The following MRPL16 variants were observed in gnomAD, a reference collection of about 807,000 sequenced individuals.
MRPL16 encodes large ribosomal subunit protein uL16m.
A neutral mutation model predicts 22.7 loss-of-function variants in MRPL16; 17 were observed. The ratio of observed to expected loss-of-function variants is 0.75; its 90% confidence interval spans 0.51 to 1.12. The LOEUF (loss-of-function observed/expected upper bound fraction) is 1.12. Among genes scored for constraint, MRPL16 ranks in the 50% most tolerant of loss-of-function variants. The pLI is 0.00. For synonymous variants in MRPL16, 103 were observed against 112.8 expected, an observed-to-expected ratio of 0.91 and a Z score of 0.55; for missense variants, 316 against 328.7, an observed-to-expected ratio of 0.96 and a Z score of 0.30.
At position 59,810,683 on chromosome 11, in the gene MRPL16, A is replaced by G. The variant is rs1371061325; in HGVS notation, c.-25T>C. 1.9e-6 allele frequency: 3 copies of G among 1,613,256 alleles called. 1 individual carries two copies. The highest frequency in any genetic ancestry group is 2.2e-5 in the South Asian group (2 of 90,986). On this transcript the variant is annotated 5_prime_UTR_variant, in exon 1 of 4. Transcript: ENST00000300151. ...TGGTCACGGGCGTCCGGCGGCGCGG[A>G]GCTCCCCCAGCGACTCCGGCTGTCT... is the stretch of plus-strand genomic sequence containing the variant.
At chr11:59,809,969 C>T (rs1866156785) in intron 1 of MRPL16, 49 bp from the exon 2 acceptor site, 2 of 1,478,040 alleles carry the variant, frequency 1.4e-6, no homozygotes, top group Admixed American at 3.8e-5. Context: ...GCCGGGACCC[C>T]GATACAACCT....
Position 59,806,248 on chromosome 11 carries a change from G to T in MRPL16, c.*99C>A. 7.4e-7 allele frequency: 1 copy of T among 1,347,394 alleles called. No homozygotes were observed. The highest frequency in any genetic ancestry group is 1.0e-6 in the Non-Finnish European group (1 of 980,010). 83.5% of individuals were successfully genotyped at this position (1,347,394 alleles called of 1,614,324 possible). A position where few individuals can be genotyped will look rare whatever the true frequency, so the allele number is the denominator to read the frequency against. On this transcript the variant is annotated 3_prime_UTR_variant, in exon 4 of 4. Transcript: ENST00000300151. Reference sequence around the variant, plus strand: ...ACTCAAATGCTGCTCCTTAGTTATGGCTTAAGAGCTACCCAAAGACTTCAG... The same window carrying T: ...ACTCAAATGCTGCTCCTTAGTTATGTCTTAAGAGCTACCCAAAGACTTCAG...
rs1866155546 is a variant in MRPL16 at position 59,809,888 on chromosome 11, C to G, written c.88G>C (p.Val30Leu). ...SWALLPASAG[V>L]KTLLPVPSFE... ...CTTGGTACTGGGAGCAGTGTCTTTA[C>G]GCCAGCACTGGCGGGGAGGAGTGCC... Residue 30 changes from valine (V) to leucine (L), a missense_variant, in exon 2 of 4, where the codon GTA becomes CTA. Physicochemically the swap from Val to Leu is conservative, Grantham distance 32. Coordinates refer to ENST00000300151, the MANE Select transcript of MRPL16 (RefSeq NM_017840.4). 1.2e-6 allele frequency: 2 copies of G among 1,613,316 alleles called. No individual in the cohort carries two copies. The highest frequency in any genetic ancestry group is 1.7e-6 in the Non-Finnish European group (2 of 1,179,890).
Position 59,806,333 on chromosome 11 carries a change from A to C in MRPL16, c.*14T>G, listed in dbSNP as rs201710329. ...TTCTTTCAGTAGCCTATATACAGTT[A>C]TCTCCTACACTCACTACACACGTTT... On this transcript the variant is annotated 3_prime_UTR_variant, in exon 4 of 4. Coordinates refer to ENST00000300151, the MANE Select transcript of MRPL16 (RefSeq NM_017840.4). 9.9e-6 allele frequency: 16 copies of C among 1,610,756 alleles called. No homozygotes were observed. In the African/African-American group the frequency reaches 2.0e-4, roughly 20 times the overall value.
chr11:59,810,145 A>T, intron 1 of MRPL16: 2 of 632,910 alleles, frequency 3.2e-6, no homozygotes, highest in Non-Finnish European at 4.8e-6. Context: ...AGCTGGGATT[A>T]CAGTCGCCCA....
chr11:59,806,342 A>G lies in MRPL16; in HGVS notation c.*5T>C. 3.1e-6 allele frequency: 5 copies of G among 1,613,270 alleles called. No individual in the cohort carries two copies. The highest frequency in any genetic ancestry group is 4.2e-6 in the Non-Finnish European group (5 of 1,179,368). On this transcript the variant is annotated 3_prime_UTR_variant, in exon 4 of 4. Transcript: ENST00000300151. The stretch of plus-strand genomic sequence containing the variant: ...TAGCCTATATACAGTTATCTCCTAC[A>G]CTCACTACACACGTTTGGGCATGTA...
intron 1 of MRPL16, chr11:59,810,398 G>A (rs1866161893): frequency 1.4e-6 from 2 of 1,401,002 alleles, no homozygotes; most frequent in African/African-American, 1.5e-5. Flanking sequence ...AAGGCCAGCC[G>A]GGATCTCTGG....
chr11:59,809,981 G>T, intron 1 of MRPL16, 61 bp from the exon 2 acceptor site: 2 of 1,329,492 alleles, frequency 1.5e-6, no homozygotes, highest in Non-Finnish European at 2.1e-6. Context: ...ATACAACCTG[G>T]GCCAAAGGTA....
In MRPL16 at chr11:59,806,408, G is replaced by A; in HGVS notation, c.695C>T (p.Pro232Leu). 6.2e-7 allele frequency: 1 copy of A among 1,614,190 alleles called. No individual in the cohort carries two copies. Among genetic ancestry groups the A allele is most frequent in the Non-Finnish European group, 8.5e-7 (1 of 1,180,024 alleles). The change falls in exon 4 of 4, where the codon CCA becomes CTA. Residue 232 changes from proline to leucine, a missense_variant. Coordinates refer to ENST00000300151, the MANE Select transcript of MRPL16 (RefSeq NM_017840.4). ...TTTCCCCTTGTGGGTCAAGTCATATGGGCTCAGTACTTTCCGTATGCCCAG... is the reference window on the plus strand; with the variant it reads ...TTTCCCCTTGTGGGTCAAGTCATATAGGCTCAGTACTTTCCGTATGCCCAG... ...NMLGIRKVLS[P>L]YDLTHKGKYW...
Position 59,810,614 on chromosome 11 carries a change from C to G in MRPL16, c.45G>C (p.Val15=), listed in dbSNP as rs755172818. 6.2e-7 allele frequency: 1 copy of G among 1,614,146 alleles called. No homozygotes were observed. The highest frequency in any genetic ancestry group is 8.5e-7 in the Non-Finnish European group (1 of 1,179,974). Residue 15 remains valine, a synonymous_variant, in exon 1 of 4, where the codon GTG becomes GTC. Transcript: ENST00000300151. ...LARASAPLLR[V]PLSDSWALLP... is the part of the protein sequence containing the mutation. ...AAAGGGACTTCTGACCTGACAAGGG[C>G]ACCCGCAGGAGCGGCGCACTAGCGC...
Position 59,806,804 on chromosome 11 carries a change from C to T in MRPL16, c.299G>A (p.Gly100Asp). 6.2e-7 allele frequency: 1 copy of T among 1,609,478 alleles called. No homozygotes were observed. The change falls in exon 4 of 4, where the codon GGC (glycine) becomes GAC (aspartate). Residue 100 changes from glycine (G) to aspartate (D), a missense_variant. By Grantham distance (94) the Gly-to-Asp change is moderately conservative. Transcript: ENST00000300151. ...LALGGGYLHW[G>D]HFEMMRLTIN... ...TGTCAGGCGCATCATTTCAAAGTGG[C>T]CCCAATGCAGGTAGCCACCACCCAA...
In MRPL16 at chr11:59,810,713, C is replaced by A. The variant is rs1026404371; in HGVS notation, c.-55G>T. On this transcript the variant is annotated 5_prime_UTR_variant, in exon 1 of 4. Coordinates refer to ENST00000300151, the MANE Select transcript of MRPL16 (RefSeq NM_017840.4). ...CCCCAGCGACTCCGGCTGTCTCCTG[C>A]ACCCAGGTAAGCAGCGGCGCTCCAC... The A allele has an allele frequency of 6.2e-7, 1 of 1,606,228 alleles. No homozygotes were observed. Among genetic ancestry groups the A allele is most frequent in the Non-Finnish European group, 8.5e-7 (1 of 1,173,912 alleles).
At chr11:59,810,324 G>A (rs1475756059) in intron 1 of MRPL16, 13 of 1,311,562 alleles carry the variant, frequency 9.9e-6, no homozygotes, top group Admixed American at 3.8e-5. Flanking sequence ...TACTTCCGCC[G>A]GAGGAGTCTT....
chr11:59,810,261 G>C, intron 1 of MRPL16: 6 of 1,198,364 alleles, frequency 5.0e-6, no homozygotes, highest in African/African-American at 1.6e-5. Flanking sequence ...CGCCCGCCTC[G>C]GCCTCCCAAA....
chr11:59,807,935 A>G, intron 2 of MRPL16, 86 bp from the exon 3 acceptor site: 2 of 1,382,310 alleles, frequency 1.4e-6, no homozygotes, highest in Non-Finnish European at 1.9e-6. Flanking sequence ...AACAGGTGAA[A>G]GTCTTAATTT....
rs747600595 is a variant in MRPL16, at chr11:59,806,608, C to T, written c.495G>A (p.Gly165=). ...KAGRLVVEMG[G]RCEFEEVQGF... The stretch of plus-strand genomic sequence containing the variant: ...CTTGCACTTCTTCAAATTCACAACG[C>T]CCACCCATCTCTACAACAAGGCGGC... The change falls in exon 4 of 4, where the codon GGG becomes GGA. Residue 165 remains glycine, a synonymous_variant. Transcript: ENST00000300151. 2 of 1,614,238 alleles carry T rather than the reference C, an allele frequency of 1.2e-6. No homozygotes were observed. The highest frequency in any genetic ancestry group is 1.7e-6 in the Non-Finnish European group (2 of 1,180,044).
rs777035009 is a variant in MRPL16, at chr11:59,806,775, T to A, written c.328A>T (p.Asn110Tyr). 6 of 1,613,424 alleles carry A rather than the reference T, an allele frequency of 3.7e-6. No homozygotes were observed. The Admixed American group carries it at 1.0e-4, about 27-fold the overall frequency. The change falls in exon 4 of 4, where the codon AAC (asparagine) becomes TAC (tyrosine). Residue 110 changes from asparagine (N) to tyrosine (Y), a missense_variant. Physicochemically the swap from Asn to Tyr is moderately radical, Grantham distance 143. Transcript: ENST00000300151. ...GHFEMMRLTI[N>Y]RSMDPKNMFA... ...ATGTTCTTGGGGTCCATAGAGCGGT[T>A]GATTGTCAGGCGCATCATTTCAAAG...
At chr11:59,810,252 G>C in intron 1 of MRPL16, 1 of 1,164,938 alleles carries the variant, frequency 8.6e-7, no homozygotes, top group Non-Finnish European at 1.1e-6. Context: ...CAAGTGATTC[G>C]CCCGCCTCGG....
At chr11:59,808,256 C>T (rs1214518648) in intron 2 of MRPL16, among the ~76,000 whole-genome samples, 1 of 152,184 alleles carries the variant, frequency 6.6e-6, no homozygotes, top group Non-Finnish European at 1.5e-5. Context: ...TTATTAATCA[C>T]CAACTCTGTG....
Sources: gnomAD v4.1 joint callset for allele counts (sites outside exome capture counted in the v4.1 genomes callset) on GRCh38, gnomAD v4.1.1 for gene constraint, MANE v1.5 for transcripts, NCBI Gene and HGNC (gene_info 2026-07-23, HGNC 2026-07-21) for gene names.